Variants in ITPR2 observed in about 807,000 individuals in gnomAD.
The protein encoded by ITPR2 is inositol 1,4,5-trisphosphate receptor type 2.
Under a neutral mutation model 317.1 loss-of-function variants are expected in ITPR2, and 207 were observed. The ratio of observed to expected loss-of-function variants is 0.65; its 90% CI spans 0.58 to 0.73. The LOEUF (loss-of-function observed/expected upper bound fraction) is 0.73, where lower values mean the gene tolerates loss of function less well. ITPR2 is among the 30% of genes least tolerant of loss of function. The probability of loss-of-function intolerance (pLI) is 0.00; values close to 1 mark genes in which losing one functional copy is unlikely to be tolerated. For synonymous variants in ITPR2, 1,156 were observed against 1,149.1 expected (o/e 1.01, Z -0.12); for missense variants, 2,613 against 3,284.0 (o/e 0.80, Z 4.99).
chr12:26,726,954 T>C (rs1336878020), intron 2 of ITPR2, among the ~76,000 whole-genome samples: 1 of 152,020 alleles, frequency 6.6e-6, no homozygotes, highest in Non-Finnish European at 1.5e-5. Context: ...GACAAGGTAA[T>C]AGTAAACTAA....
At chr12:26,400,466 T>C (rs1940139512) in intron 52 of ITPR2, among the ~76,000 whole-genome samples, 1 of 152,082 alleles carries the variant, frequency 6.6e-6, no homozygotes. Flanking sequence ...ATGAATATAA[T>C]ATTAAAAAGT....
chr12:26,583,096 C>T (rs1451842988), intron 32 of ITPR2, among the ~76,000 whole-genome samples: 4 of 152,142 alleles, frequency 2.6e-5, no homozygotes, highest in African/African-American at 9.7e-5. Flanking sequence ...CCTCAGTACT[C>T]TCCTATCCCT....
chr12:26,604,400 C>A (rs1298007885), intron 26 of ITPR2, among the ~76,000 whole-genome samples: 1 of 152,138 alleles, frequency 6.6e-6, no homozygotes, highest in Non-Finnish European at 1.5e-5. Context: ...CAGTGATATC[C>A]ACAAACCTGT....
intron 32 of ITPR2, among the ~76,000 whole-genome samples, chr12:26,587,517 T>C (rs951786100): frequency 2.0e-5 from 3 of 152,068 alleles, no homozygotes; most frequent in African/African-American, 7.2e-5. Context: ...TAGGAATGCA[T>C]TTGGCATACC....
chr12:26,641,939 AAAAC>A (rs10590862), intron 21 of ITPR2, among the ~76,000 whole-genome samples: 126,755 of 151,618 alleles, frequency 0.84, 53,192 homozygotes, highest in East Asian at 0.97. Flanking sequence ...TTAGAAGGAA[AAAAC>A]AAACAAACAA....
In ITPR2 at chr12:26,722,480, G is replaced by T; in HGVS notation, c.442C>A (p.Arg148Ser). The change falls in exon 5 of 57, where the codon CGT becomes AGT. Residue 148 changes from arginine (R) to serine (S), a missense_variant. Transcript: ENST00000381340. ...LPALLEKNAM[R>S]VSLDAAGNEG... The stretch of plus-strand genomic sequence containing the variant: ...TTTCCTGCAGCATCCAAGGACACAC[G>T]CATGGCATTCTTCTCCAGTAAAGCA... The T allele has an allele frequency of 6.2e-7, 1 of 1,612,938 alleles. No homozygotes were observed. Among genetic ancestry groups the T allele is most frequent in the Non-Finnish European group, 8.5e-7 (1 of 1,179,230 alleles).
At chr12:26,350,275 G>A (rs999658532) in intron 55 of ITPR2, among the ~76,000 whole-genome samples, 4 of 152,306 alleles carry the variant, frequency 2.6e-5, no homozygotes, top group African/African-American at 9.6e-5. Flanking sequence ...AGAACACTGG[G>A]CTCTGGAGTT....
intron 2 of ITPR2, among the ~76,000 whole-genome samples, chr12:26,743,936 C>T (rs1009350346): frequency 6.6e-6 from 1 of 152,106 alleles, no homozygotes; most frequent in African/African-American, 2.4e-5. Context: ...AACAATGACA[C>T]CTCTATAGGT....
intron 37 of ITPR2, among the ~76,000 whole-genome samples, chr12:26,521,580 G>C (rs570296498): frequency 2.0e-5 from 3 of 152,056 alleles, no homozygotes; most frequent in Non-Finnish European, 4.4e-5. Context: ...ACTTAATTTG[G>C]CCTTTTCAAA....
At chr12:26,530,730 T>C (rs183222861) in intron 37 of ITPR2, among the ~76,000 whole-genome samples, 10 of 152,326 alleles carry the variant, frequency 6.6e-5, no homozygotes, top group Admixed American at 6.5e-4. Context: ...TTATGTAGCT[T>C]TCTCAAACAC....
chr12:26,438,559 C>A (rs2136726244), intron 47 of ITPR2, among the ~76,000 whole-genome samples: 1 of 152,124 alleles, frequency 6.6e-6, no homozygotes, highest in African/African-American at 2.4e-5. Flanking sequence ...AGACGTGGGA[C>A]CTAAGAGATA....
chr12:26,587,278 T>C (rs1231776348), intron 32 of ITPR2, among the ~76,000 whole-genome samples: 1 of 23,962 alleles, frequency 4.2e-5, no homozygotes, highest in Non-Finnish European at 2.2e-4. Context: ...GAAATACAAA[T>C]AAATATATAT....
intron 55 of ITPR2, among the ~76,000 whole-genome samples, chr12:26,386,193 G>T (rs936808709): frequency 6.6e-6 from 1 of 152,138 alleles, no homozygotes; most frequent in African/African-American, 2.4e-5. Flanking sequence ...TGATGACCAT[G>T]AATATATATC....
chr12:26,716,276 T>A, intron 5 of ITPR2, 34 bp from the exon 6 acceptor site: 5 of 1,340,650 alleles, frequency 3.7e-6, no homozygotes, highest in Non-Finnish European at 4.3e-6. Context: ...ATTGAGACAC[T>A]GCATGGATCT....
intron 9 of ITPR2, among the ~76,000 whole-genome samples, chr12:26,703,453 A>G (rs10842782): frequency 0.2 from 30,489 of 152,034 alleles, 3,880 homozygotes; most frequent in East Asian, 0.56. Flanking sequence ...GAGTTTCTCA[A>G]CCCTTAGCAT....
intron 34 of ITPR2, among the ~76,000 whole-genome samples, chr12:26,578,434 G>A (rs1394970069): frequency 2.6e-5 from 4 of 152,018 alleles, no homozygotes; most frequent in Non-Finnish European, 4.4e-5. Context: ...TGAAATCTGA[G>A]GTAACAATTA....
intron 10 of ITPR2, among the ~76,000 whole-genome samples, chr12:26,695,108 A>G (rs929727261): frequency 3.3e-5 from 5 of 152,236 alleles, no homozygotes; most frequent in African/African-American, 1.2e-4. Context: ...TTCAAAAGGA[A>G]TTGCTAAACT....
At chr12:26,810,867 T>C (rs1950725388) in intron 1 of ITPR2, among the ~76,000 whole-genome samples, 2 of 152,092 alleles carry the variant, frequency 1.3e-5, no homozygotes, top group African/African-American at 2.4e-5. Context: ...GATCTCACTA[T>C]GCTTCCCAGG....
chr12:26,352,853 A>G (rs1938524968), intron 55 of ITPR2, among the ~76,000 whole-genome samples: 1 of 152,234 alleles, frequency 6.6e-6, no homozygotes, highest in Non-Finnish European at 1.5e-5. Context: ...TGTAAGGACC[A>G]ATGGTGCACA....
Sources: gnomAD v4.1 joint callset for allele counts (sites outside exome capture counted in the v4.1 genomes callset) on GRCh38, gnomAD v4.1.1 for gene constraint, MANE v1.5 for transcripts, NCBI Gene and HGNC (gene_info 2026-07-23, HGNC 2026-07-21) for gene names.